The following FMO3 variants were observed in gnomAD, a reference collection of about 807,000 sequenced individuals.
FMO3 encodes flavin-containing monooxygenase 3.
A neutral mutation model predicts 39.4 loss-of-function variants in FMO3; 40 were observed. That is an observed-to-expected ratio of 1.02 (90% CI 0.79 to 1.32). The LOEUF (loss-of-function observed/expected upper bound fraction) is 1.32, where lower values mean the gene tolerates loss of function less well. Ranked by LOEUF, FMO3 falls within the 40% of genes most tolerant of loss-of-function variation. The probability of loss-of-function intolerance (pLI) is 0.00; values close to 1 mark genes in which losing one functional copy is unlikely to be tolerated. For missense variants in FMO3, 680 were observed against 651.8 expected (o/e 1.04, Z -0.47); for synonymous variants, 219 against 228.8 (o/e 0.96, Z 0.39).
intron 3 of FMO3, 77 bp downstream of exon 3, chr1:171,104,050 C>T: frequency 9.2e-7 from 1 of 1,092,160 alleles, no homozygotes; most frequent in Non-Finnish European, 1.4e-6. Context: ...CTCATTTGTT[C>T]CTTTCAGTTT....
chr1:171,096,033 A>T (rs796735822), intron 2 of FMO3, among the ~76,000 whole-genome samples: 5,643 of 66,028 alleles, frequency 0.085, 352 homozygotes, highest in East Asian at 0.2. Flanking sequence ...TTAATATATA[A>T]TATATATTAT....
At chr1:171,100,841 A>G (rs74602385) in intron 2 of FMO3, 5,041 of 266,664 alleles carry the variant, frequency 0.019, 76 homozygotes, top group South Asian at 0.041. Flanking sequence ...TGGAACCTGT[A>G]AATGTTATCT....
At chr1:171,092,406 T>C (rs969102643) in intron 1 of FMO3, among the ~76,000 whole-genome samples, 2 of 152,002 alleles carry the variant, frequency 1.3e-5, no homozygotes, top group African/African-American at 4.8e-5. Flanking sequence ...TTTTTTGTTT[T>C]GTTTTGTGGA....
In FMO3 at chr1:171,108,895, C is replaced by A. The variant is rs542163030; in HGVS notation, c.627+674C>A. On this transcript the variant is annotated intron_variant, in intron 5 of 8. Transcript: ENST00000367755. ...ACAAAGGAGGTAGAATAGAACCAGTCCTTGAACAATAAATATAAATCATGA... is the reference window on the plus strand; with the variant it reads ...ACAAAGGAGGTAGAATAGAACCAGTACTTGAACAATAAATATAAATCATGA... 7.9e-5 allele frequency among the ~76,000 whole-genome samples: 12 copies of A among 152,166 alleles called. 1 individual carries two copies. The highest frequency in any genetic ancestry group is 2.6e-4 in the African/African-American group (11 of 41,512).
chr1:171,092,766 C>T lies in FMO3; in HGVS notation c.108C>T (p.Asp36=). 1 of 1,613,952 alleles carries T rather than the reference C, an allele frequency of 6.2e-7. No homozygotes were observed. The highest frequency in any genetic ancestry group is 8.5e-7 in the Non-Finnish European group (1 of 1,179,978). The change falls in exon 2 of 9, where the codon GAC becomes GAT. Residue 36 remains aspartate, a synonymous_variant. Transcript: ENST00000367755. ...CCACCTGCTTTGAGAAGAGCAATGA[C>T]ATTGGGGGCCTGTGGAAATTTTCAG... ...LEPTCFEKSN[D]IGGLWKFSDH...
intron 2 of FMO3, among the ~76,000 whole-genome samples, chr1:171,096,039 A>AT (rs1326452294): frequency 1.5e-4 from 10 of 64,716 alleles, no homozygotes; most frequent in Non-Finnish European, 1.9e-4. Flanking sequence ...TATAATATAT[A>AT]TTATATATAA....
intron 2 of FMO3, among the ~76,000 whole-genome samples, chr1:171,096,288 ATATC>A (rs1220077230): frequency 8.7e-5 from 5 of 57,402 alleles, no homozygotes; most frequent in African/African-American, 5.0e-4. Flanking sequence ...TATATATTAT[ATATC>A]TATTATATAT....
chr1:171,108,193 C>T lies in FMO3; in HGVS notation c.599C>T (p.Ala200Val), dbSNP rs148029783. 6.2e-7 allele frequency: 1 copy of T among 1,613,840 alleles called. No individual in the cohort carries two copies. Among genetic ancestry groups the T allele is most frequent in the Non-Finnish European group, 8.5e-7 (1 of 1,179,876 alleles). ...CTGGGGAATTCGGGCTGTGATATTG[C>T]CACAGAACTCAGCCGCACAGCAGAA... ...VGLGNSGCDIATELSRTAEQV... is the reference protein window; with the variant it reads ...VGLGNSGCDIVTELSRTAEQV... The change falls in exon 5 of 9, where the codon GCC (alanine) becomes GTC (valine). Residue 200 changes from alanine to valine, a missense_variant. Physicochemically the swap from Ala to Val is moderately conservative, Grantham distance 64. Coordinates refer to ENST00000367755, the MANE Select transcript of FMO3 (RefSeq NM_001002294.3).
chr1:171,092,941 TG>T (rs1169478601), intron 2 of FMO3, 151 bp downstream of exon 2: 1 of 853,376 alleles, frequency 1.2e-6, no homozygotes, highest in Non-Finnish European at 1.9e-6. Flanking sequence ...AAGAGCAGGT[TG>T]GAAAGTAACC....
intron 2 of FMO3, among the ~76,000 whole-genome samples, chr1:171,096,025 A>AATATATAATATATATT (rs1654981934): frequency 2.2e-5 from 1 of 45,972 alleles, no homozygotes; most frequent in African/African-American, 9.8e-5. Flanking sequence ...ATTATATATT[A>AATATATAATATATATT]ATATATAATA....
At position 171,108,442 on chromosome 1, in the gene FMO3, C is replaced by A. The variant is rs1216339393; in HGVS notation, c.627+221C>A. ...CAAGGAGTAACTGTCATTCAACAAT[C>A]TCCTTCTTCAAGACATTTGATGCCT... On this transcript the variant is annotated intron_variant, in intron 5 of 8. Transcript: ENST00000367755. Among the ~76,000 whole-genome samples the A allele has an allele frequency of 3.3e-5, 5 of 152,274 alleles. No individual in the cohort carries two copies. In the South Asian group the frequency reaches 8.3e-4, roughly 25 times the overall value.
intron 2 of FMO3, among the ~76,000 whole-genome samples, chr1:171,095,699 A>G (rs893336484): frequency 1.4e-5 from 2 of 144,176 alleles, no homozygotes; most frequent in African/African-American, 5.1e-5. Flanking sequence ...GAAACCACCC[A>G]GCATCTTTTC....
chr1:171,107,803 T>C lies in FMO3; in HGVS notation c.450T>C (p.His150=), dbSNP rs1655715058. ...FDAVMVCSGH[H]VYPNLPKESF... ...CTGTAATGGTTTGTTCCGGACATCA[T>C]GTGTATCCCAACCTACCAAAAGAGT... Residue 150 remains histidine (H), a synonymous_variant, in exon 4 of 9, where the codon CAT becomes CAC. Coordinates refer to ENST00000367755, the MANE Select transcript of FMO3 (RefSeq NM_001002294.3). 1 of 1,614,024 alleles carries C rather than the reference T, an allele frequency of 6.2e-7. No homozygotes were observed. Among genetic ancestry groups the C allele is most frequent in the South Asian group, 1.1e-5 (1 of 91,082 alleles).
chr1:171,093,671 A>T (rs549864959), intron 2 of FMO3, among the ~76,000 whole-genome samples: 1 of 151,886 alleles, frequency 6.6e-6, no homozygotes, highest in Non-Finnish European at 1.5e-5. Flanking sequence ...TTTTTTTTAT[A>T]TAATGACTTC....
chr1:171,110,319 G>A (rs569886852), intron 5 of FMO3, among the ~76,000 whole-genome samples: 6 of 152,162 alleles, frequency 3.9e-5, no homozygotes, highest in African/African-American at 1.2e-4. Context: ...TAGGGAAAAC[G>A]TGACTAGAAT....
chr1:171,111,486 T>G (rs933377385), intron 6 of FMO3, among the ~76,000 whole-genome samples: 5 of 152,160 alleles, frequency 3.3e-5, no homozygotes, highest in Admixed American at 6.5e-5. Context: ...CTTGGCCACT[T>G]GCTCTACTAC....
rs745483246 is a variant in FMO3, at chr1:171,107,761, A to G, written c.408A>G (p.Glu136=). ...DVTTERDGKK[E]SAVFDAVMVC... The stretch of plus-strand genomic sequence containing the variant: ...CCACTGAAAGGGATGGTAAAAAAGA[A>G]TCGGCTGTCTTTGATGCTGTAATGG... Residue 136 remains glutamate (E), a synonymous_variant, in exon 4 of 9, where the codon GAA becomes GAG. Transcript: ENST00000367755. 6.2e-6 allele frequency: 10 copies of G among 1,613,790 alleles called. No individual in the cohort carries two copies. Among genetic ancestry groups the G allele is most frequent in the Admixed American group, 3.3e-5 (2 of 59,972 alleles).
chr1:171,108,027 T>A lies in FMO3; in HGVS notation c.485-52T>A. 1.9e-6 allele frequency: 3 copies of A among 1,601,516 alleles called. No homozygotes were observed. The South Asian group carries it at 3.3e-5, about 18-fold the overall frequency. ...TCACAAGGTCGCTTCTGTTAAAGTC[T>A]TTGTTTAAATATATGACTCAAACTG... On this transcript the variant is annotated intron_variant, in intron 4 of 8. Transcript: ENST00000367755.
At chr1:171,116,854 G>T (rs114907872) in intron 8 of FMO3, among the ~76,000 whole-genome samples, 93 of 152,272 alleles carry the variant, frequency 6.1e-4, no homozygotes, top group Non-Finnish European at 1.1e-3. Context: ...GCATTGCAGT[G>T]TTGGGGTATT....
Sources: allele counts gnomAD v4.1 joint callset (sites outside exome capture counted in the v4.1 genomes callset), GRCh38; gene constraint gnomAD v4.1.1; transcripts MANE v1.5; gene names NCBI Gene and HGNC (gene_info 2026-07-23, HGNC 2026-07-21).